The following HAO2 variants were observed in gnomAD, a reference collection of about 807,000 sequenced individuals.
HAO2 encodes hydroxyacid oxidase 2, also known as 2-Hydroxyacid oxidase 2.
Under a neutral mutation model 37.4 loss-of-function variants are expected in HAO2, and 42 were observed. The observed-to-expected ratio is 1.12, with a 90% confidence interval of 0.88 to 1.45. HAO2 has a LOEUF of 1.45. Among genes scored for constraint, HAO2 ranks in the 40% most tolerant of loss-of-function variants. HAO2 has a pLI of 0.00. For synonymous variants in HAO2, 180 were observed against 162.8 expected, an observed-to-expected ratio of 1.11 and a Z score of -0.81; for missense variants, 476 against 430.2, an observed-to-expected ratio of 1.11 and a Z score of -0.94.
intron 1 of HAO2, among the ~76,000 whole-genome samples, chr1:119,372,753 G>A (rs1173538902): frequency 1.3e-5 from 2 of 152,218 alleles, no homozygotes; most frequent in Non-Finnish European, 2.9e-5. Context: ...CCTCCAGGCT[G>A]GGGAGGAGGA....
Position 119,393,863 on chromosome 1 carries a change from C to T in HAO2, c.*23C>T, listed in dbSNP as rs1651116227. On this transcript the variant is annotated 3_prime_UTR_variant, in exon 8 of 8. Transcript: ENST00000325945. Reference sequence around the variant, plus strand: ...TAAGAAAAAAGGGCCAATAACCAGACTGCTGAGGTTGCCCACAGGAGGATC... The same window carrying T: ...TAAGAAAAAAGGGCCAATAACCAGATTGCTGAGGTTGCCCACAGGAGGATC... 1 of 1,612,062 alleles carries T rather than the reference C, an allele frequency of 6.2e-7. No homozygotes were observed. Among genetic ancestry groups the T allele is most frequent in the African/African-American group, 1.3e-5 (1 of 74,822 alleles).
rs201600052 is a variant in HAO2, at chr1:119,393,791, G to T, written c.1007G>T (p.Arg336Leu). 20 of 1,612,916 alleles carry T rather than the reference G, an allele frequency of 1.2e-5. No homozygotes were observed. The highest frequency in any genetic ancestry group is 1.7e-5 in the Admixed American group (1 of 59,940). ...AACCACATTGTTCTTTTAGGCTGCC[G>T]GTCGGTCGCTGAGATCAATCGAAAC... is the stretch of plus-strand genomic sequence containing the variant. Reference protein sequence around the residue: ...FHTSMALTGCRSVAEINRNLV... With the variant: ...FHTSMALTGCLSVAEINRNLV... Residue 336 changes from arginine to leucine, a missense_variant, in exon 8 of 8, where the codon CGG (arginine) becomes CTG (leucine). Transcript: ENST00000325945.
intron 1 of HAO2, among the ~76,000 whole-genome samples, chr1:119,371,942 C>T (rs958350853): frequency 1.3e-5 from 2 of 152,200 alleles, no homozygotes; most frequent in Non-Finnish European, 2.9e-5. Flanking sequence ...GGATCAATGT[C>T]TCCCAGTATG....
chr1:119,370,594 A>C (rs1205533244), intron 1 of HAO2, among the ~76,000 whole-genome samples: 2 of 152,182 alleles, frequency 1.3e-5, no homozygotes, highest in Non-Finnish European at 2.9e-5. Flanking sequence ...TAAATTTTGC[A>C]CAGAACCGTG....
chr1:119,384,455 T>A (rs766511642), intron 3 of HAO2, among the ~76,000 whole-genome samples: 32 of 152,158 alleles, frequency 2.1e-4, no homozygotes, highest in Non-Finnish European at 3.8e-4. Context: ...AAGGAGTTCA[T>A]AAGAGGCCCA....
At chr1:119,391,969 G>A (rs764797790) in intron 5 of HAO2, 141 bp from the exon 6 acceptor site, 95 of 678,400 alleles carry the variant, frequency 1.4e-4, no homozygotes, top group Non-Finnish European at 2.2e-4. Context: ...CAGTTGATCA[G>A]CGCTAGCAGC....
Position 119,374,638 on chromosome 1 carries a change from TCCACAGCCTAC to T in HAO2, c.-9+5739_-9+5749del, listed in dbSNP as rs1246933275. 9.9e-5 allele frequency among the ~76,000 whole-genome samples: 15 copies of T among 152,162 alleles called. No homozygotes were observed. The East Asian group carries it at 2.9e-3, about 29-fold the overall frequency. On this transcript the variant is annotated intron_variant, in intron 1 of 7. Coordinates refer to ENST00000325945, the MANE Select transcript of HAO2 (RefSeq NM_016527.4). Reference sequence around the variant, plus strand: ...GCTGACTTTTCTCCCCCGTTGTATCTCCACAGCCTACCCTGCAATTTTCACGCTGAGATTTC... The same window carrying T: ...GCTGACTTTTCTCCCCCGTTGTATCTCCTGCAATTTTCACGCTGAGATTTC...
chr1:119,389,692 T>G (rs1570793604), intron 5 of HAO2, among the ~76,000 whole-genome samples: 1 of 152,060 alleles, frequency 6.6e-6, no homozygotes, highest in South Asian at 2.1e-4. Flanking sequence ...GTTGTTAGTC[T>G]TTTGTCAGAT....
At chr1:119,389,993 A>G (rs1418951710) in intron 5 of HAO2, among the ~76,000 whole-genome samples, 1 of 152,208 alleles carries the variant, frequency 6.6e-6, no homozygotes, top group East Asian at 1.9e-4. Flanking sequence ...ATCCAGTTTC[A>G]TTGTCCTACA....
At chr1:119,380,544 G>T in intron 1 of HAO2, 1 of 628,020 alleles carries the variant, frequency 1.6e-6, no homozygotes, top group East Asian at 2.7e-5. Flanking sequence ...GGAACTACCA[G>T]ATAGTAGCAT....
chr1:119,370,285 C>T (rs1354359091), intron 1 of HAO2: 1 of 152,196 alleles, frequency 6.6e-6, no homozygotes, highest in African/African-American at 2.4e-5. Flanking sequence ...GTATATGCCT[C>T]CGCCACCCTG....
intron 3 of HAO2, among the ~76,000 whole-genome samples, chr1:119,383,336 A>AGGGG (rs1022030309): frequency 6.6e-6 from 1 of 152,234 alleles, no homozygotes; most frequent in African/African-American, 2.4e-5. Flanking sequence ...CCCTCAGAAC[A>AGGGG]GGGGTGCTGG....
rs1570766885 is a variant in HAO2 at position 119,380,563 on chromosome 1, C to T, written c.-8-515C>T. 6 of 662,796 alleles carry T rather than the reference C, an allele frequency of 9.1e-6. No homozygotes were observed. In the East Asian group the frequency reaches 1.6e-4, roughly 17 times the overall value. The allele number at this position is 662,796 out of a possible 1,614,324, so 41.1% of individuals were successfully genotyped here. A position where few individuals can be genotyped will look rare whatever the true frequency, so the allele number is the denominator to read the frequency against. ...CTACCAGATAGTAGCATCAGTTCACCAAGAAATGAAGCTGGTGAGGCAGTG... is the reference window on the plus strand; with the variant it reads ...CTACCAGATAGTAGCATCAGTTCACTAAGAAATGAAGCTGGTGAGGCAGTG... On this transcript the variant is annotated intron_variant, in intron 1 of 7. Transcript: ENST00000325945.
chr1:119,383,055 G>A lies in HAO2; in HGVS notation c.272G>A (p.Ser91Asn), dbSNP rs932683022. The A allele has an allele frequency of 1.2e-6, 2 of 1,611,930 alleles. No individual in the cohort carries two copies. The highest frequency in any genetic ancestry group is 1.7e-5 in the Admixed American group (1 of 59,850). ...CTTGTCTGGCCTGATGGGGAAATGAGCACAGCAAGAGGTATGAACCATCCC... is the reference window on the plus strand; with the variant it reads ...CTTGTCTGGCCTGATGGGGAAATGAACACAGCAAGAGGTATGAACCATCCC... Reference protein sequence around the residue: ...HCLVWPDGEMSTARAAQAAGI... With the variant: ...HCLVWPDGEMNTARAAQAAGI... Residue 91 changes from serine to asparagine, a missense_variant, in exon 3 of 8, where the codon AGC (serine) becomes AAC (asparagine). Physicochemically the swap from Ser to Asn is conservative, Grantham distance 46 (BLOSUM62 1). Coordinates refer to ENST00000325945, the MANE Select transcript of HAO2 (RefSeq NM_016527.4).
intron 5 of HAO2, among the ~76,000 whole-genome samples, chr1:119,387,407 A>G (rs1287066996): frequency 6.6e-6 from 1 of 152,186 alleles, no homozygotes; most frequent in African/African-American, 2.4e-5. Context: ...ATATTTTTTC[A>G]AATGTTCTAT....
At chr1:119,377,252 G>T (rs1004273412) in intron 1 of HAO2, among the ~76,000 whole-genome samples, 17 of 152,158 alleles carry the variant, frequency 1.1e-4, no homozygotes, top group African/African-American at 3.6e-4. Context: ...CAAGTTCAAA[G>T]TTCCACAGAT....
chr1:119,378,732 T>A (rs934298629), intron 1 of HAO2, among the ~76,000 whole-genome samples: 1 of 152,204 alleles, frequency 6.6e-6, no homozygotes, highest in Non-Finnish European at 1.5e-5. Context: ...TTTGTGGCAT[T>A]TATATGCTAG....
At chr1:119,385,083 G>GCA (rs1376354101) in intron 4 of HAO2, 30 bp downstream of exon 4, 25 of 1,592,194 alleles carry the variant, frequency 1.6e-5, no homozygotes, top group Non-Finnish European at 2.0e-5. Context: ...CGATGGACAG[G>GCA]CATTACAAGA....
chr1:119,391,437 G>T (rs1007034110), intron 5 of HAO2, among the ~76,000 whole-genome samples: 1 of 152,216 alleles, frequency 6.6e-6, no homozygotes, highest in Admixed American at 6.5e-5. Flanking sequence ...TGGAATTGAA[G>T]AGGCAACATA....
Sources: gnomAD v4.1 joint callset for allele counts (sites outside exome capture counted in the v4.1 genomes callset) on GRCh38, gnomAD v4.1.1 for gene constraint, MANE v1.5 for transcripts, NCBI Gene and HGNC (gene_info 2026-07-23, HGNC 2026-07-21) for gene names.